NBAS: variants seen among roughly 807,000 people sequenced by gnomAD.
NBAS encodes NAG/BC035112 fusion.
In NBAS, 219 loss-of-function variants were observed where a neutral mutation model predicts 302.5. The ratio of observed to expected loss-of-function variants is 0.72; its 90% CI spans 0.65 to 0.81. NBAS has a LOEUF of 0.81. Among genes scored for constraint, NBAS ranks in the 30% least tolerant of loss-of-function variants. The pLI is 0.00. For synonymous variants in NBAS, 1,118 were observed against 1,021.6 expected (o/e 1.09, Z -1.80); for missense variants, 2,932 against 2,841.6 (o/e 1.03, Z -0.72).
the NBAS span, among the ~76,000 whole-genome samples, chr2:15,155,508 G>T: frequency 6.6e-6 from 1 of 152,166 alleles, no homozygotes; most frequent in African/African-American, 2.4e-5. Flanking sequence ...TGCAGCTGAA[G>T]ACACCTCTCT....
At chr2:14,853,621 A>G in the NBAS span, among the ~76,000 whole-genome samples, 3 of 87,122 alleles carry the variant, frequency 3.4e-5, 1 homozygote, top group African/African-American at 1.2e-4. Flanking sequence ...ACACATGCAC[A>G]CATATGTTTA....
the NBAS span, among the ~76,000 whole-genome samples, chr2:14,968,005 C>G: frequency 6.6e-6 from 1 of 152,124 alleles, no homozygotes; most frequent in East Asian, 1.9e-4. Context: ...CCCCCTAGCT[C>G]CACCCCCTAG....
At chr2:15,132,632 A>G in the NBAS span, among the ~76,000 whole-genome samples, 1 of 152,288 alleles carries the variant, frequency 6.6e-6, no homozygotes, top group South Asian at 2.1e-4. Flanking sequence ...AATGTACCAA[A>G]TTGTAGCAAA....
the NBAS span, among the ~76,000 whole-genome samples, chr2:14,889,912 T>C: frequency 2.0e-5 from 3 of 152,216 alleles, no homozygotes; most frequent in African/African-American, 7.2e-5. Context: ...CACATATTCA[T>C]TGGACTAATA....
At chr2:15,527,268 G>C (rs1284309188) in intron 9 of NBAS, among the ~76,000 whole-genome samples, 1 of 152,150 alleles carries the variant, frequency 6.6e-6, no homozygotes, top group African/African-American at 2.4e-5. Context: ...ATTTGCTGTG[G>C]GTTTTACAAA....
the NBAS span, among the ~76,000 whole-genome samples, chr2:15,016,056 A>G: frequency 2.5e-4 from 38 of 152,140 alleles, no homozygotes; most frequent in African/African-American, 8.4e-4. Flanking sequence ...AATACCTTGT[A>G]TATTAGTTCA....
the NBAS span, among the ~76,000 whole-genome samples, chr2:14,862,338 C>T: frequency 6.6e-6 from 1 of 151,930 alleles, no homozygotes; most frequent in Admixed American, 6.6e-5. Flanking sequence ...AGGCTGATCT[C>T]GAACTCCTGA....
At chr2:15,500,279 C>T (rs1661445125) in intron 11 of NBAS, among the ~76,000 whole-genome samples, 1 of 152,000 alleles carries the variant, frequency 6.6e-6, no homozygotes, top group Non-Finnish European at 1.5e-5. Flanking sequence ...TGAAGTACTA[C>T]ATATTCTTAA....
At chr2:15,389,905 G>C (rs1009148452) in intron 28 of NBAS, among the ~76,000 whole-genome samples, 1 of 152,112 alleles carries the variant, frequency 6.6e-6, no homozygotes, top group Non-Finnish European at 1.5e-5. Flanking sequence ...GCACAAGAAA[G>C]GATCAATCTA....
chr2:15,138,384 A>G, the NBAS span, among the ~76,000 whole-genome samples: 2 of 152,112 alleles, frequency 1.3e-5, no homozygotes, highest in Non-Finnish European at 2.9e-5. Context: ...GATGCTTGGA[A>G]CGGAGCCTAT....
chr2:14,789,004 T>C, the NBAS span, among the ~76,000 whole-genome samples: 4 of 152,334 alleles, frequency 2.6e-5, no homozygotes, highest in African/African-American at 4.8e-5. Context: ...GCTTCCTGGC[T>C]GCTTTGTTTA....
chr2:15,501,155 G>C (rs953272098), intron 11 of NBAS, among the ~76,000 whole-genome samples: 2 of 151,682 alleles, frequency 1.3e-5, no homozygotes, highest in African/African-American at 2.4e-5. Flanking sequence ...CAAAAAGTTA[G>C]CCGGGTATGG....
At chr2:15,332,239 G>A (rs963691233) in intron 35 of NBAS, among the ~76,000 whole-genome samples, 2 of 152,180 alleles carry the variant, frequency 1.3e-5, no homozygotes, top group Admixed American at 6.5e-5. Flanking sequence ...ACACAGCCTT[G>A]TCGGCACCTT....
chr2:15,492,619 G>C (rs1296009585), intron 11 of NBAS, among the ~76,000 whole-genome samples: 1 of 152,000 alleles, frequency 6.6e-6, no homozygotes, highest in Non-Finnish European at 1.5e-5. Flanking sequence ...ACCATGCCTG[G>C]CTAACTTTTG....
At chr2:15,449,013 G>T (rs1678881845) in intron 21 of NBAS, among the ~76,000 whole-genome samples, 2 of 152,034 alleles carry the variant, frequency 1.3e-5, no homozygotes, top group Admixed American at 6.6e-5. Context: ...TTTAGAGTTT[G>T]CAAGAAAATG....
At chr2:15,404,564 G>A (rs1676316332) in intron 25 of NBAS, among the ~76,000 whole-genome samples, 1 of 150,242 alleles carries the variant, frequency 6.7e-6, no homozygotes, top group Admixed American at 6.7e-5. Flanking sequence ...CCAGGCTCAA[G>A]TGCAGTGGTG....
At chr2:15,152,974 A>G in the NBAS span, among the ~76,000 whole-genome samples, 1 of 152,258 alleles carries the variant, frequency 6.6e-6, no homozygotes, top group African/African-American at 2.4e-5. Context: ...CAAGATCCAC[A>G]GTAAGGCAGG....
At chr2:15,091,309 G>C in the NBAS span, among the ~76,000 whole-genome samples, 1 of 20,532 alleles carries the variant, frequency 4.9e-5, no homozygotes, top group African/African-American at 1.3e-4. Flanking sequence ...AACTGCATGG[G>C]TCCACTGATA....
At chr2:15,251,823 T>C (rs1668378321) in intron 44 of NBAS, among the ~76,000 whole-genome samples, 1 of 152,140 alleles carries the variant, frequency 6.6e-6, no homozygotes, top group Admixed American at 6.5e-5. Flanking sequence ...TGTGCCGACT[T>C]CCTGTCTCAT....
Sources: allele counts gnomAD v4.1 joint callset (sites outside exome capture counted in the v4.1 genomes callset), GRCh38; gene constraint gnomAD v4.1.1; transcripts MANE v1.5; gene names NCBI Gene and HGNC (gene_info 2026-07-23, HGNC 2026-07-21).